The following ZC4H2 variants were observed in gnomAD, a reference collection of about 807,000 sequenced individuals.
The protein encoded by ZC4H2 is zinc finger C4H2-type containing.
For missense variants in ZC4H2, 137 were observed against 173.9 expected (o/e 0.79, Z 1.19); for synonymous variants, 84 against 66.3 (o/e 1.27, Z -1.30).
At chrX:65,018,975 G>T (rs866282711) in intron 1 of ZC4H2, among the ~76,000 whole-genome samples, 12 of 111,665 alleles carry the variant, frequency 1.1e-4, no homozygotes, top group African/African-American at 3.3e-4. Flanking sequence ...CGGCCAGAAG[G>T]CCTCTCTAGA....
At chrX:64,948,008 T>A (rs1022716510) in intron 1 of ZC4H2, among the ~76,000 whole-genome samples, 6 of 111,531 alleles carry the variant, frequency 5.4e-5, no homozygotes, top group Non-Finnish European at 1.1e-4. Context: ...ACAGATGATG[T>A]CAGAAGTGGC....
chrX:65,003,126 A>C (rs1447491000), intron 1 of ZC4H2, among the ~76,000 whole-genome samples: 2 of 73,345 alleles, frequency 2.7e-5, no homozygotes, highest in Non-Finnish European at 4.1e-5. Flanking sequence ...TCTGAAATTC[A>C]AAAAAAAAAA....
intron 2 of ZC4H2, 52 bp from the exon 3 acceptor site, chrX:64,920,305 G>A: frequency 1.7e-6 from 2 of 1,150,050 alleles, no homozygotes; most frequent in Non-Finnish European, 2.3e-6. Flanking sequence ...GGTTCTCAGA[G>A]AGGATCTATA....
intron 1 of ZC4H2, among the ~76,000 whole-genome samples, chrX:64,958,219 G>C (rs1390722674): frequency 3.6e-5 from 4 of 112,271 alleles, no homozygotes; most frequent in African/African-American, 1.3e-4. Flanking sequence ...TGGCAGTGCA[G>C]TATCATCACA....
At position 65,028,175 on chromosome X, in the gene ZC4H2, G is replaced by T. The variant is rs144156320; in HGVS notation, c.-272+6454C>A. Reference sequence around the variant, plus strand: ...ATCTGTCTAGCCAGCTATCTAGCTAGCTAGCTAGCTAGCTGCTATAATCTA... The same window carrying T: ...ATCTGTCTAGCCAGCTATCTAGCTATCTAGCTAGCTAGCTGCTATAATCTA... On this transcript the variant is annotated intron_variant, in intron 1 of 4. Transcript: ENST00000337990. 6.2e-4 allele frequency among the ~76,000 whole-genome samples: 69 copies of T among 110,988 alleles called. 1 individual carries two copies. In the East Asian group the frequency reaches 0.019, roughly 30 times the overall value.
intron 1 of ZC4H2, among the ~76,000 whole-genome samples, chrX:64,989,188 A>C (rs1355754078): frequency 3.6e-5 from 4 of 111,728 alleles, no homozygotes; most frequent in African/African-American, 1.3e-4. Flanking sequence ...CTTAGGATTG[A>C]CTTGGCAATG....
At chrX:65,021,918 A>T (rs1360736978) in intron 1 of ZC4H2, among the ~76,000 whole-genome samples, 1 of 112,181 alleles carries the variant, frequency 8.9e-6, no homozygotes, top group African/African-American at 3.2e-5. Context: ...ATAAACTAGA[A>T]CATCTAGAAG....
chrX:65,028,108 T>C (rs1015518983), intron 1 of ZC4H2, among the ~76,000 whole-genome samples: 2 of 111,599 alleles, frequency 1.8e-5, no homozygotes, highest in Non-Finnish European at 3.8e-5. Flanking sequence ...CAAAAAGATA[T>C]ATACCTCCCT....
rs780272391 is a variant in ZC4H2, at chrX:64,949,736, CT to C, written c.53+26588del. On this transcript the variant is annotated intron_variant, in intron 1 of 4. Coordinates refer to ENST00000374839, the MANE Select transcript of ZC4H2 (RefSeq NM_018684.4). The stretch of plus-strand genomic sequence containing the variant: ...TATGGCATCCATTTGATTCTACTCT[CT>C]TTTCTTCTTTATTAGTCTTGCTATC... Among the ~76,000 whole-genome samples, 9 of 111,494 alleles carry C rather than the reference CT, an allele frequency of 8.1e-5. No homozygotes were observed. In the Admixed American group the frequency reaches 8.6e-4, roughly 11 times the overall value.
At chrX:64,943,971 G>A (rs1930410873) in intron 1 of ZC4H2, among the ~76,000 whole-genome samples, 1 of 110,549 alleles carries the variant, frequency 9.0e-6, no homozygotes, top group South Asian at 3.8e-4. Context: ...GCTGGTACCA[G>A]TTTTTCCCTT....
intron 1 of ZC4H2, among the ~76,000 whole-genome samples, chrX:64,997,398 T>C (rs1446414181): frequency 8.9e-6 from 1 of 111,844 alleles, no homozygotes; most frequent in Non-Finnish European, 1.9e-5. Flanking sequence ...CTCAAAACCA[T>C]ATGAAGAAAT....
At chrX:64,944,408 C>T (rs775186602) in intron 1 of ZC4H2, among the ~76,000 whole-genome samples, 1 of 110,682 alleles carries the variant, frequency 9.0e-6, no homozygotes, top group South Asian at 3.8e-4. Flanking sequence ...ATATTGACCC[C>T]CACTCTCTTC....
chrX:65,020,249 G>A (rs762034846), intron 1 of ZC4H2, among the ~76,000 whole-genome samples: 2 of 111,319 alleles, frequency 1.8e-5, no homozygotes, highest in East Asian at 5.6e-4. Flanking sequence ...ATTCACTAAG[G>A]TTGAAATGAA....
At chrX:64,922,207 T>A in intron 1 of ZC4H2, 1 of 816,833 alleles carries the variant, frequency 1.2e-6, no homozygotes, top group South Asian at 4.5e-5. Context: ...GCCCAGGAGT[T>A]TGAAACCAGC....
chrX:65,029,148 T>C (rs1932910226), intron 1 of ZC4H2, among the ~76,000 whole-genome samples: 1 of 110,926 alleles, frequency 9.0e-6, no homozygotes, highest in African/African-American at 3.3e-5. Context: ...GAAAGTTACA[T>C]AAATAAAAAA....
chrX:64,938,879 A>C (rs1203800922), intron 1 of ZC4H2, among the ~76,000 whole-genome samples: 1 of 112,282 alleles, frequency 8.9e-6, no homozygotes, highest in Non-Finnish European at 1.9e-5. Context: ...AACTGGCACA[A>C]GACATGGATG....
intron 1 of ZC4H2, among the ~76,000 whole-genome samples, chrX:64,932,176 C>G (rs768522545): frequency 9.0e-6 from 1 of 110,806 alleles, no homozygotes; most frequent in South Asian, 3.8e-4. Context: ...AGAATAGCTA[C>G]TCCTGCTTGC....
intron 1 of ZC4H2, among the ~76,000 whole-genome samples, chrX:64,952,113 A>C (rs749390553): frequency 4.5e-5 from 5 of 110,415 alleles, no homozygotes; most frequent in African/African-American, 1.7e-4. Flanking sequence ...ATAGTTGTAG[A>C]CATGTGGCGT....
At chrX:64,973,267 G>A (rs555674175) in intron 1 of ZC4H2, among the ~76,000 whole-genome samples, 1 of 110,130 alleles carries the variant, frequency 9.1e-6, no homozygotes. Flanking sequence ...GGTGACTGGA[G>A]CATTTTTTAA....
Sources: allele counts gnomAD v4.1 joint callset (sites outside exome capture counted in the v4.1 genomes callset), GRCh38; gene constraint gnomAD v4.1.1; transcripts MANE v1.5; gene names NCBI Gene and HGNC (gene_info 2026-07-23, HGNC 2026-07-21).